The following DIAPH1 variants were observed in gnomAD, a reference collection of about 807,000 sequenced individuals.
DIAPH1 encodes protein diaphanous homolog 1.
DIAPH1 carries 46 observed loss-of-function variants against 140.7 expected under a neutral mutation model. The observed-to-expected ratio is 0.33, with a 90% CI of 0.26 to 0.42. DIAPH1 has a LOEUF of 0.42. DIAPH1 is among the 10% of genes least tolerant of loss of function. DIAPH1 has a pLI of 1.00. For synonymous variants in DIAPH1, 565 were observed against 551.6 expected (o/e 1.02, Z -0.34); for missense variants, 1,310 against 1,558.7 (o/e 0.84, Z 2.69).
rs963142957 is a variant in DIAPH1, at chr5:141,571,435, A to G, written c.2475T>C (p.Thr825=). 1 of 1,610,152 alleles carries G rather than the reference A, an allele frequency of 6.2e-7. No homozygotes were observed. Among genetic ancestry groups the G allele is most frequent in the Non-Finnish European group, 8.5e-7 (1 of 1,178,080 alleles). ...GCTCTTTTGTATTCTTACCTTTGGA[A>G]GCTTCAGGAGCAAAGTGCCAGGAGG... ...LTLTFSAQTK[T]SKAKKDQEGG... Residue 825 remains threonine, a splice_region_variant and synonymous_variant, in exon 18 of 28, where the codon ACT becomes ACC. Coordinates refer to ENST00000389054, the MANE Select transcript of DIAPH1 (RefSeq NM_005219.5).
chr5:141,519,239 C>A (rs2099886162), intron 27 of DIAPH1, among the ~76,000 whole-genome samples: 1 of 152,156 alleles, frequency 6.6e-6, no homozygotes, highest in African/African-American at 2.4e-5. Flanking sequence ...CTTCCTCAGG[C>A]CTCCTACATT....
chr5:141,516,782 T>TAGGC lies in DIAPH1; in HGVS notation c.*65_*68dup, dbSNP rs1412592060. On this transcript the variant is annotated 3_prime_UTR_variant, in exon 28 of 28. Transcript: ENST00000389054. ...CCAGAGGAATATCCCCTTGAGCCTT[T>TAGGC]AGGCACATGCTGCAGGGCAGGACAG... 3 of 1,591,208 alleles carry TAGGC rather than the reference T, an allele frequency of 1.9e-6. No individual in the cohort carries two copies. In the African/African-American group the frequency reaches 4.0e-5, roughly 21 times the overall value.
intron 18 of DIAPH1, among the ~76,000 whole-genome samples, chr5:141,567,333 T>C (rs1307785316): frequency 1.3e-5 from 2 of 152,170 alleles, no homozygotes; most frequent in Non-Finnish European, 2.9e-5. Context: ...ACTTTTTCCA[T>C]GTGAAGAAGT....
At position 141,573,598 on chromosome 5, in the gene DIAPH1, G is replaced by C; in HGVS notation, c.2252C>G (p.Pro751Arg). 6.2e-7 allele frequency: 1 copy of C among 1,614,058 alleles called. No individual in the cohort carries two copies. The highest frequency in any genetic ancestry group is 1.1e-5 in the South Asian group (1 of 91,084). ...PPPGMGMPPP[P>R]PFGFGVPAAP... ...TGCAGGAACTCCAAATCCAAATGGG[G>C]GAGGTGGAGGCATACCCATTCCGGG... is the stretch of plus-strand genomic sequence containing the variant. Residue 751 changes from proline to arginine, a missense_variant, in exon 16 of 28, where the codon CCC becomes CGC. Physicochemically the swap from Pro to Arg is moderately radical, Grantham distance 103 (BLOSUM62 -2). This residue lies in a region of DIAPH1 where 589 missense variants were observed against 549.3 expected (regional missense o/e 1.07). Transcript: ENST00000389054.
At chr5:141,576,503 C>A (rs1441499047) in intron 13 of DIAPH1, among the ~76,000 whole-genome samples, 2 of 152,126 alleles carry the variant, frequency 1.3e-5, no homozygotes, top group African/African-American at 2.4e-5. Flanking sequence ...AAGAAGAATG[C>A]CTATGAGTGA....
At chr5:141,557,535 A>G (rs1038678007) in intron 18 of DIAPH1, among the ~76,000 whole-genome samples, 5 of 152,202 alleles carry the variant, frequency 3.3e-5, no homozygotes, top group African/African-American at 1.2e-4. Flanking sequence ...TTCTTCCCAG[A>G]CAGCTAAGTG....
intron 18 of DIAPH1, among the ~76,000 whole-genome samples, chr5:141,548,339 C>CA (rs559289324): frequency 6.9e-4 from 97 of 141,586 alleles, no homozygotes; most frequent in African/African-American, 2.5e-3. Context: ...GATATATCCA[C>CA]AAAAAAACAC....
At chr5:141,572,072 TAA>T in intron 16 of DIAPH1, 32 bp from the exon 17 acceptor site, 1 of 1,472,068 alleles carries the variant, frequency 6.8e-7, no homozygotes, top group Non-Finnish European at 9.5e-7. Flanking sequence ...TAAGAATTAG[TAA>T]ACTGAGCCCT....
chr5:141,562,311 T>C (rs1471124413), intron 18 of DIAPH1, among the ~76,000 whole-genome samples: 1 of 152,144 alleles, frequency 6.6e-6, no homozygotes. Flanking sequence ...TAAAAACTTA[T>C]AATTTTTTTA....
rs779499759 is a variant in DIAPH1 at position 141,528,721 on chromosome 5, T to C, written c.2999A>G (p.Asn1000Ser). Residue 1000 changes from asparagine to serine, a missense_variant, in exon 22 of 28, where the codon AAT becomes AGT. This residue lies in a region of DIAPH1 where 344 missense variants were observed against 512.2 expected (regional missense o/e 0.67). Coordinates refer to ENST00000389054, the MANE Select transcript of DIAPH1 (RefSeq NM_005219.5). Reference sequence around the variant, plus strand: ...GCTCACCTTACAGAGGAAGCTGATATTGAAGCCAAAAGCACCAGCATTTCT... The same window carrying C: ...GCTCACCTTACAGAGGAAGCTGATACTGAAGCCAAAAGCACCAGCATTTCT... ...GSRNAGAFGFNISFLCKLRDT... is the reference protein window; with the variant it reads ...GSRNAGAFGFSISFLCKLRDT... The C allele has an allele frequency of 1.2e-6, 2 of 1,614,256 alleles. No homozygotes were observed. The highest frequency in any genetic ancestry group is 1.7e-6 in the Non-Finnish European group (2 of 1,180,050).
At chr5:141,569,591 C>A (rs1225011135) in intron 18 of DIAPH1, among the ~76,000 whole-genome samples, 1 of 151,910 alleles carries the variant, frequency 6.6e-6, no homozygotes, top group African/African-American at 2.4e-5. Flanking sequence ...GGTAAAACTC[C>A]ATCTCTACAA....
At position 141,578,283 on chromosome 5, in the gene DIAPH1, C is replaced by T. The variant is rs756750537; in HGVS notation, c.1105G>A (p.Gly369Arg). The change falls in exon 11 of 28, where the codon GGG becomes AGG. Residue 369 changes from glycine to arginine, a missense_variant. This residue lies in a region of DIAPH1 where 377 missense variants were observed against 497.1 expected (regional missense o/e 0.76). Coordinates refer to ENST00000389054, the MANE Select transcript of DIAPH1 (RefSeq NM_005219.5). The part of the protein sequence containing the change: ...RVQLNVFDEQ[G>R]EEDSYDLKGR... ...TTCAGGTCATAGGAATCCTCTTCCC[C>T]TTGTTCATCAAACACATTTAGTTGC... 3.7e-6 allele frequency: 6 copies of T among 1,614,024 alleles called. No homozygotes were observed. The highest frequency in any genetic ancestry group is 5.1e-6 in the Non-Finnish European group (6 of 1,180,028).
rs559024734 is a variant in DIAPH1 at position 141,590,041 on chromosome 5, G to A, written c.118-1791C>T. 1.2e-3 allele frequency among the ~76,000 whole-genome samples: 187 copies of A among 151,946 alleles called. 1 individual carries two copies. The highest frequency in any genetic ancestry group is 2.3e-3 in the Non-Finnish European group (159 of 67,978). Reference sequence around the variant, plus strand: ...GCTGGGATTGCAGGTGCATACCACCGTACCCAGTTGGTAAATGCTTCTTGA... The same window carrying A: ...GCTGGGATTGCAGGTGCATACCACCATACCCAGTTGGTAAATGCTTCTTGA... On this transcript the variant is annotated intron_variant, in intron 1 of 27. Transcript: ENST00000389054.
chr5:141,537,971 A>C (rs111449266), intron 18 of DIAPH1, among the ~76,000 whole-genome samples: 1,612 of 152,142 alleles, frequency 0.011, 40 homozygotes, highest in African/African-American at 0.037. Flanking sequence ...GGTTCACTGC[A>C]TCCTCAACCT....
chr5:141,544,744 T>C (rs993382427), intron 18 of DIAPH1, among the ~76,000 whole-genome samples: 1 of 152,232 alleles, frequency 6.6e-6, no homozygotes, highest in African/African-American at 2.4e-5. Flanking sequence ...GAGACTTAAG[T>C]GTTGGTGAGG....
intron 6 of DIAPH1, among the ~76,000 whole-genome samples, chr5:141,582,941 T>C (rs977265229): frequency 5.9e-5 from 9 of 152,220 alleles, no homozygotes; most frequent in South Asian, 2.1e-4. Flanking sequence ...TATTTCCAGA[T>C]TGAAAAAGAA....
rs374105530 is a variant in DIAPH1, at chr5:141,612,074, T to TAATAAATAAATA, written c.117+6712_117+6723dup. 4.0e-4 allele frequency among the ~76,000 whole-genome samples: 61 copies of TAATAAATAAATA among 151,442 alleles called. 1 individual carries two copies. Among genetic ancestry groups the TAATAAATAAATA allele is most frequent in the African/African-American group, 1.5e-3 (60 of 41,200 alleles). ...GAGAGTGAAACTCTGTCTCAAAAAATAATAAATAAATAAATAAATAAATAA... is the reference window on the plus strand; with the variant it reads ...GAGAGTGAAACTCTGTCTCAAAAAATAATAAATAAATAAATAAATAAATAAATAAATAAATAA... On this transcript the variant is annotated intron_variant, in intron 1 of 27. Coordinates refer to ENST00000389054, the MANE Select transcript of DIAPH1 (RefSeq NM_005219.5).
intron 18 of DIAPH1, among the ~76,000 whole-genome samples, chr5:141,548,460 C>CACTA (rs970242246): frequency 6.6e-6 from 1 of 152,100 alleles, no homozygotes; most frequent in Non-Finnish European, 1.5e-5. Flanking sequence ...GAAGCAAAAA[C>CACTA]ACTAGAAAGG....
intron 18 of DIAPH1, among the ~76,000 whole-genome samples, chr5:141,539,218 AGT>A (rs1322727590): frequency 6.6e-6 from 1 of 152,004 alleles, no homozygotes; most frequent in Non-Finnish European, 1.5e-5. Flanking sequence ...CGGAGGTTGC[AGT>A]GAGTGGAGAT....
Sources: gnomAD v4.1 joint callset for allele counts (sites outside exome capture counted in the v4.1 genomes callset) on GRCh38, gnomAD v4.1.1 for gene constraint, gnomAD v4.1.1 regional missense constraint, MANE v1.5 for transcripts, NCBI Gene and HGNC (gene_info 2026-07-23, HGNC 2026-07-21) for gene names.